The following PCDH11Y variants were observed in gnomAD, a reference collection of about 807,000 sequenced individuals.
PCDH11Y encodes protocadherin-11 Y-linked.
For synonymous variants in PCDH11Y, 9 were observed against 83.6 expected (o/e 0.11, Z 4.87); for missense variants, 12 against 224.8 (o/e 0.05, Z 6.05).
intron 4 of PCDH11Y, among the ~76,000 whole-genome samples, chrY:5,653,709 A>G: frequency 3.0e-5 from 1 of 33,244 alleles, no homozygotes; most frequent in Non-Finnish European, 7.4e-5. Flanking sequence ...ATCGAGGAGA[A>G]CTTCCCCAAC....
intron 2 of PCDH11Y, among the ~76,000 whole-genome samples, chrY:5,189,560 G>A: frequency 3.0e-5 from 1 of 33,727 alleles, no homozygotes; most frequent in Admixed American, 2.7e-4. Context: ...CAGAGCTGAA[G>A]GAAACTGCTA....
chrY:5,653,803 C>T (rs2053533932), intron 4 of PCDH11Y, among the ~76,000 whole-genome samples: 1 of 31,814 alleles, frequency 3.1e-5, no homozygotes, highest in African/African-American at 1.2e-4. Flanking sequence ...CCCCAAGATA[C>T]ATAATTGTCA....
chrY:5,241,231 G>T, intron 2 of PCDH11Y, among the ~76,000 whole-genome samples: 1 of 32,585 alleles, frequency 3.1e-5, no homozygotes, highest in Non-Finnish European at 7.4e-5. Flanking sequence ...TTTGGCTGAA[G>T]GGAACGTTGT....
intron 2 of PCDH11Y, among the ~76,000 whole-genome samples, chrY:5,345,313 T>C (rs2053150868): frequency 3.0e-5 from 1 of 33,662 alleles, no homozygotes; most frequent in Non-Finnish European, 7.3e-5. Context: ...CAGGCATAAA[T>C]GATTTAGACT....
intron 3 of PCDH11Y, among the ~76,000 whole-genome samples, chrY:5,522,128 C>A: frequency 9.3e-5 from 3 of 32,370 alleles, no homozygotes; most frequent in Non-Finnish European, 1.5e-4. Flanking sequence ...CCGCCTCGGC[C>A]TCCCAAAGTG....
intron 2 of PCDH11Y, among the ~76,000 whole-genome samples, chrY:5,206,671 C>T: frequency 3.1e-5 from 1 of 32,116 alleles, no homozygotes; most frequent in Admixed American, 2.9e-4. Context: ...TTCATCACAT[C>T]CACCCTCTCC....
At chrY:5,239,114 A>G in intron 2 of PCDH11Y, among the ~76,000 whole-genome samples, 1 of 32,559 alleles carries the variant, frequency 3.1e-5, no homozygotes, top group South Asian at 7.1e-4. Flanking sequence ...TGCTATAAAG[A>G]CACATGCACA....
chrY:5,106,856 T>C, downstream of PCDH11Y, among the ~76,000 whole-genome samples: 2 of 32,801 alleles, frequency 6.1e-5, no homozygotes, highest in Admixed American at 5.6e-4. Context: ...AAGATATACC[T>C]AGAGTGGAGG....
At chrY:5,429,537 A>ATTGC (rs2053266405) in intron 2 of PCDH11Y, among the ~76,000 whole-genome samples, 1 of 32,697 alleles carries the variant, frequency 3.1e-5, no homozygotes, top group African/African-American at 1.2e-4. Context: ...TGCTAGCTAG[A>ATTGC]TTGCTTGCTT....
At chrY:5,193,097 G>A in intron 2 of PCDH11Y, among the ~76,000 whole-genome samples, 1 of 33,570 alleles carries the variant, frequency 3.0e-5, no homozygotes, top group Non-Finnish European at 7.3e-5. Flanking sequence ...CAAATAAAGA[G>A]TGTTGGCCAA....
intron 2 of PCDH11Y, among the ~76,000 whole-genome samples, chrY:5,209,792 C>T (rs2052936447): frequency 3.0e-5 from 1 of 33,602 alleles, no homozygotes; most frequent in Non-Finnish European, 7.4e-5. Context: ...TTTGTCAGGC[C>T]GGGTGTGGTG....
At chrY:5,688,020 G>A in intron 4 of PCDH11Y, among the ~76,000 whole-genome samples, 1 of 32,708 alleles carries the variant, frequency 3.1e-5, no homozygotes, top group African/African-American at 1.2e-4. Context: ...TATTTTGTAC[G>A]TCTTTAAAAA....
At chrY:5,604,486 G>A in intron 4 of PCDH11Y, among the ~76,000 whole-genome samples, 3 of 32,629 alleles carry the variant, frequency 9.2e-5, no homozygotes, top group Non-Finnish European at 2.3e-4. Context: ...CATTCCTCCC[G>A]GTATTGCATT....
chrY:5,347,899 G>C, intron 2 of PCDH11Y, among the ~76,000 whole-genome samples: 1 of 32,609 alleles, frequency 3.1e-5, no homozygotes, highest in Non-Finnish European at 7.5e-5. Context: ...TGTAAGTGTC[G>C]TTTCTCAGAG....
intron 2 of PCDH11Y, among the ~76,000 whole-genome samples, chrY:5,301,816 AT>A (rs2053082642): frequency 9.7e-5 from 3 of 30,786 alleles, no homozygotes; most frequent in East Asian, 8.5e-4. Flanking sequence ...AGGTAACCTG[AT>A]TTTTTTTTCA....
chrY:5,586,034 C>G, intron 4 of PCDH11Y, among the ~76,000 whole-genome samples: 1 of 30,421 alleles, frequency 3.3e-5, no homozygotes, highest in African/African-American at 1.3e-4. Context: ...AGTATGATAC[C>G]TCTGGCTTTG....
At chrY:5,577,450 G>A (rs1602945636) in intron 3 of PCDH11Y, among the ~76,000 whole-genome samples, 1 of 32,987 alleles carries the variant, frequency 3.0e-5, no homozygotes, top group East Asian at 8.2e-4. Flanking sequence ...AATGGTAATT[G>A]CATATTTTGT....
intron 4 of PCDH11Y, among the ~76,000 whole-genome samples, chrY:5,726,654 A>C (rs2053598982): frequency 3.0e-5 from 1 of 33,279 alleles, no homozygotes; most frequent in African/African-American, 1.2e-4. Context: ...CATCTCACGA[A>C]AATTGTTAAA....
chrY:5,038,737 T>C, intron 3 of PCDH11Y, among the ~76,000 whole-genome samples: 2 of 22,541 alleles, frequency 8.9e-5, no homozygotes, highest in Non-Finnish European at 2.0e-4. Context: ...TTGTTTCTTC[T>C]TGAGTTAACA....
Sources: gnomAD v4.1 joint callset for allele counts (sites outside exome capture counted in the v4.1 genomes callset) on GRCh38, gnomAD v4.1.1 for gene constraint, MANE v1.5 for transcripts, NCBI Gene and HGNC (gene_info 2026-07-23, HGNC 2026-07-21) for gene names.